The following ZNF85 variants were observed in gnomAD, a reference collection of about 807,000 sequenced individuals.
The protein encoded by ZNF85 is zinc finger protein 85, also known as zinc finger protein 85 (HPF4, HTF1).
ZNF85 carries 50 observed loss-of-function variants against 53.9 expected under a neutral mutation model. That is an observed-to-expected ratio of 0.93 (90% CI 0.74 to 1.17). ZNF85 has a LOEUF of 1.17. Among genes scored for constraint, ZNF85 ranks in the 50% most tolerant of loss-of-function variants. ZNF85 has a pLI of 0.00. For synonymous variants in ZNF85, 225 were observed against 226.1 expected (o/e 1.00, Z 0.04); for missense variants, 747 against 688.5 (o/e 1.08, Z -0.95).
intron 3 of ZNF85, chr19:20,946,512 A>G: frequency 4.4e-6 from 1 of 225,536 alleles, no homozygotes. Context: ...TATGTGTTTC[A>G]TCGATTCTGT....
intron 3 of ZNF85, chr19:20,946,267 A>G (rs1024686916): frequency 5.2e-6 from 2 of 382,906 alleles, no homozygotes; most frequent in Non-Finnish European, 1.0e-5. Flanking sequence ...AGTTCTAAAA[A>G]ATTTGTTAAG....
chr19:20,933,644 C>T (rs1973080335), intron 1 of ZNF85, among the ~76,000 whole-genome samples: 1 of 152,150 alleles, frequency 6.6e-6, no homozygotes, highest in Non-Finnish European at 1.5e-5. Flanking sequence ...CTAACTCAAC[C>T]TGTCTTTTCC....
At chr19:20,937,062 C>G (rs1973175389) in intron 3 of ZNF85, 1 of 194,944 alleles carries the variant, frequency 5.1e-6, no homozygotes, top group African/African-American at 2.4e-5. Context: ...GAGACGGAGT[C>G]TCACTCTGTC....
chr19:20,942,588 C>A (rs1006517725), intron 3 of ZNF85, among the ~76,000 whole-genome samples: 1 of 152,120 alleles, frequency 6.6e-6, no homozygotes, highest in Non-Finnish European at 1.5e-5. Flanking sequence ...TTGTTTGCCA[C>A]TGTAGTTTGT....
intron 1 of ZNF85, 23 bp from the exon 2 acceptor site, chr19:20,934,001 G>GTGTA (rs771933934): frequency 6.5e-7 from 1 of 1,528,162 alleles, no homozygotes; most frequent in African/African-American, 1.4e-5. Context: ...GTGTGTGTAT[G>GTGTA]TGTATGTGTG....
At chr19:20,948,247 T>C (rs1973469866) in intron 3 of ZNF85, among the ~76,000 whole-genome samples, 1 of 152,166 alleles carries the variant, frequency 6.6e-6, no homozygotes, top group African/African-American at 2.4e-5. Flanking sequence ...GCAGTCTCTT[T>C]GCTGCTGTAG....
chr19:20,938,850 ATGTGTGTGTG>A (rs145473574), intron 3 of ZNF85, among the ~76,000 whole-genome samples: 15,348 of 141,000 alleles, frequency 0.11, 855 homozygotes, highest in Middle Eastern at 0.14. Flanking sequence ...ATTCTGCTAT[ATGTGTGTGTG>A]TGTGTGTGTG....
Position 20,949,496 on chromosome 19 carries a change from A to G in ZNF85, c.982A>G (p.Asn328Asp). 6.2e-7 allele frequency: 1 copy of G among 1,613,480 alleles called. No homozygotes were observed. The highest frequency in any genetic ancestry group is 8.5e-7 in the Non-Finnish European group (1 of 1,179,738). Residue 328 changes from asparagine to aspartate, a missense_variant, in exon 4 of 4, where the codon AAC becomes GAC. Asn to Asp is a conservative substitution (Grantham distance 23, BLOSUM62 1). Coordinates refer to ENST00000328178, the MANE Select transcript of ZNF85 (RefSeq NM_003429.5). ...ECGKAFKQSS[N>D]LTTHKIIHTG... ...TGGCAAAGCCTTTAAGCAGTCCTCAAACCTTACTACACATAAGATAATTCA... is the reference window on the plus strand; with the variant it reads ...TGGCAAAGCCTTTAAGCAGTCCTCAGACCTTACTACACATAAGATAATTCA...
chr19:20,947,087 A>G (rs1266880962), intron 3 of ZNF85, among the ~76,000 whole-genome samples: 2 of 151,642 alleles, frequency 1.3e-5, no homozygotes, highest in Non-Finnish European at 3.0e-5. Flanking sequence ...TTTCTTTTAT[A>G]TCTCTATACA....
chr19:20,923,479 TCA>T, intron 1 of ZNF85, 76 bp downstream of exon 1: 1 of 1,608,782 alleles, frequency 6.2e-7, no homozygotes, highest in Non-Finnish European at 8.5e-7. Flanking sequence ...GTGGCGGGAC[TCA>T]GGCCTCCCTG....
intron 3 of ZNF85, among the ~76,000 whole-genome samples, chr19:20,948,046 A>G (rs986450064): frequency 6.6e-6 from 1 of 152,108 alleles, no homozygotes; most frequent in Non-Finnish European, 1.5e-5. Flanking sequence ...AACAATCTTT[A>G]TAATATAGCT....
At chr19:20,937,044 T>C (rs1299531809) in intron 3 of ZNF85, 1 of 188,344 alleles carries the variant, frequency 5.3e-6, no homozygotes, top group Non-Finnish European at 1.1e-5. Flanking sequence ...TTTTTGTTTT[T>C]TGTTTTTGAG....
chr19:20,937,325 C>T (rs1188894944), intron 3 of ZNF85: 2 of 456,266 alleles, frequency 4.4e-6, no homozygotes, highest in South Asian at 3.1e-5. Context: ...CCTCAGCGCC[C>T]AGCCCTCTTC....
intron 1 of ZNF85, among the ~76,000 whole-genome samples, chr19:20,930,547 A>C (rs1238713071): frequency 6.6e-6 from 1 of 151,208 alleles, no homozygotes; most frequent in Non-Finnish European, 1.5e-5. Context: ...ACACTTAATA[A>C]CATCTTTCAG....
intron 3 of ZNF85, among the ~76,000 whole-genome samples, chr19:20,939,247 G>A (rs2144641964): frequency 6.6e-6 from 1 of 152,186 alleles, no homozygotes; most frequent in Non-Finnish European, 1.5e-5. Context: ...GTGTGTTTTA[G>A]TGTAGGCTTG....
chr19:20,935,354 C>T (rs1007273802), intron 3 of ZNF85, among the ~76,000 whole-genome samples: 2 of 152,134 alleles, frequency 1.3e-5, no homozygotes, highest in African/African-American at 4.8e-5. Flanking sequence ...TTGGGGGACA[C>T]ACAAATATCT....
At chr19:20,936,845 T>C (rs1289476553) in intron 3 of ZNF85, 1 of 153,852 alleles carries the variant, frequency 6.5e-6, no homozygotes, top group Non-Finnish European at 1.4e-5. Context: ...GGTGTTTGAA[T>C]ACATTTTGCT....
Position 20,947,022 on chromosome 19 carries a change from CTCTT to C in ZNF85, c.230-1716_230-1713del, listed in dbSNP as rs199583329. Among the ~76,000 whole-genome samples the C allele has an allele frequency of 2.2e-3, 329 of 148,834 alleles. 1 individual carries two copies. Among genetic ancestry groups the C allele is most frequent in the African/African-American group, 7.4e-3 (301 of 40,712 alleles). ...TTTCTTTGTTCCCAATTTTCTCTCT[CTCTT>C]TCTTTGTGTCATTTTTATTTTTGTA... is the stretch of plus-strand genomic sequence containing the variant. On this transcript the variant is annotated intron_variant, in intron 3 of 3. Transcript: ENST00000328178.
At chr19:20,928,972 C>T (rs139806113) in intron 1 of ZNF85, among the ~76,000 whole-genome samples, 1 of 152,042 alleles carries the variant, frequency 6.6e-6, no homozygotes, top group African/African-American at 2.4e-5. Flanking sequence ...ATTATTTTCT[C>T]ACAGAGGTAC....
Sources: allele counts gnomAD v4.1 joint callset (sites outside exome capture counted in the v4.1 genomes callset), GRCh38; gene constraint gnomAD v4.1.1; transcripts MANE v1.5; gene names NCBI Gene and HGNC (gene_info 2026-07-23, HGNC 2026-07-21).